The following HELZ variants were observed in gnomAD, a reference collection of about 807,000 sequenced individuals.
The protein encoded by HELZ is helicase with zinc finger, also known as ATP-dependent RNA helicase with zinc finger domain.
In HELZ, 23 loss-of-function variants were observed where a neutral mutation model predicts 218.2. The observed-to-expected ratio is 0.11, with a 90% CI of 0.08 to 0.15. HELZ has a LOEUF of 0.15. HELZ is among the 10% of genes least tolerant of loss of function. The probability of loss-of-function intolerance (pLI) is 1.00; values close to 1 mark genes in which losing one functional copy is unlikely to be tolerated. For missense variants in HELZ, 1,813 were observed against 2,353.7 expected (o/e 0.77, Z 4.75); for synonymous variants, 814 against 829.4 (o/e 0.98, Z 0.32).
chr17:67,078,249 T>A lies in HELZ; in HGVS notation c.*3A>T. 1.9e-6 allele frequency: 3 copies of A among 1,565,758 alleles called. No individual in the cohort carries two copies. Among genetic ancestry groups the A allele is most frequent in the South Asian group, 2.3e-5 (2 of 87,880 alleles). On this transcript the variant is annotated 3_prime_UTR_variant, in exon 33 of 33. Coordinates refer to ENST00000358691, the MANE Select transcript of HELZ (RefSeq NM_014877.4). ...ATTCTCCCTTGAGGGAAAAAAAAAG[T>A]GATTATTTAAAATATGAGTAAAAGC...
At chr17:67,102,224 G>C (rs1270498559) in intron 31 of HELZ, among the ~76,000 whole-genome samples, 1 of 152,180 alleles carries the variant, frequency 6.6e-6, no homozygotes, top group South Asian at 2.1e-4. Context: ...TAGCAATTGG[G>C]GGAAGGGCAG....
intron 12 of HELZ, among the ~76,000 whole-genome samples, chr17:67,180,877 CA>C (rs1019801835): frequency 0.057 from 2,372 of 41,902 alleles, 8 homozygotes; most frequent in African/African-American, 0.066. Context: ...GACTCCATCT[CA>C]AAAAAAAAAA....
chr17:67,195,108 G>C lies in HELZ; in HGVS notation c.481+311C>G, dbSNP rs74949764. ...GTAATAACTGTACTAGCTTAGGACAGAGAGAGAAGAAAAGTCTTCCCTCTA... is the reference window on the plus strand; with the variant it reads ...GTAATAACTGTACTAGCTTAGGACACAGAGAGAAGAAAAGTCTTCCCTCTA... On this transcript the variant is annotated intron_variant, in intron 8 of 32. Coordinates refer to ENST00000358691, the MANE Select transcript of HELZ (RefSeq NM_014877.4). Among the ~76,000 whole-genome samples the C allele has an allele frequency of 9.9e-4, 150 of 152,250 alleles. 2 individuals are homozygous for C. The South Asian group carries it at 0.029, about 29-fold the overall frequency.
chr17:67,214,106 A>T (rs2040527779), intron 5 of HELZ, among the ~76,000 whole-genome samples: 1 of 152,112 alleles, frequency 6.6e-6, no homozygotes. Context: ...TGCTCATTGT[A>T]ATTTTAAAAT....
At chr17:67,245,965 G>T (rs73994522), upstream of HELZ, 1 of 152,404 alleles carries the variant, frequency 6.6e-6, no homozygotes. Context: ...TGACTCCGGG[G>T]CAGGTAATCC....
rs1166365173 is a variant in HELZ, at chr17:67,148,703, A to G, written c.2487T>C (p.Phe829=). 3 of 1,612,698 alleles carry G rather than the reference A, an allele frequency of 1.9e-6. No homozygotes were observed. The highest frequency in any genetic ancestry group is 2.5e-6 in the Non-Finnish European group (3 of 1,179,314). Residue 829 remains phenylalanine, a synonymous_variant, in exon 20 of 33, where the codon TTT becomes TTC. Coordinates refer to ENST00000358691, the MANE Select transcript of HELZ (RefSeq NM_014877.4). ...LAGDHMQLSP[F]VYSEFARERN... ...TCTCCCTGGCAAACTCGCTGTAAACAAAAGGACTGAGCTGTAACAGACAAA... is the reference window on the plus strand; with the variant it reads ...TCTCCCTGGCAAACTCGCTGTAAACGAAAGGACTGAGCTGTAACAGACAAA...
At chr17:67,160,762 G>A (rs561366096) in intron 16 of HELZ, 135 bp downstream of exon 16, 18 of 633,094 alleles carry the variant, frequency 2.8e-5, no homozygotes, top group Non-Finnish European at 3.8e-5. Flanking sequence ...TTGGATTTAC[G>A]GCTTTTCCTT....
In HELZ at chr17:67,178,874, A is replaced by G. The variant is rs558481409; in HGVS notation, c.1215T>C (p.Arg405=). ...AKQQLVTTAK[R]WDSSSKTIID... is the part of the protein sequence containing the mutation. ...TAATAGTCTTAGAGGAAGAATCCCA[A>G]CGTTTAGCTGTGGTTACTAGCTGCT... Residue 405 remains arginine, a synonymous_variant, in exon 13 of 33, where the codon CGT becomes CGC. Transcript: ENST00000358691. 7 of 1,613,080 alleles carry G rather than the reference A, an allele frequency of 4.3e-6. No individual in the cohort carries two copies. The highest frequency in any genetic ancestry group is 4.5e-5 in the East Asian group (2 of 44,840).
At chr17:67,212,334 A>AAAAAAAAAAAAAAAAAAAAAAAAT (rs1241584604) in intron 5 of HELZ, among the ~76,000 whole-genome samples, 1 of 148,628 alleles carries the variant, frequency 6.7e-6, no homozygotes, top group Non-Finnish European at 1.5e-5. Flanking sequence ...AAAAAAAAAA[A>AAAAAAAAAAAAAAAAAAAAAAAAT]AGGCTACACT....
At chr17:67,195,621 T>C (rs1272510990) in intron 7 of HELZ, 151 bp from the exon 8 acceptor site, 1 of 585,740 alleles carries the variant, frequency 1.7e-6, no homozygotes, top group Non-Finnish European at 3.1e-6. Context: ...TTTTGTTTTT[T>C]TCTACGTTAA....
intron 6 of HELZ, among the ~76,000 whole-genome samples, chr17:67,201,926 A>G (rs1021046151): frequency 6.6e-6 from 1 of 152,196 alleles, no homozygotes; most frequent in Non-Finnish European, 1.5e-5. Flanking sequence ...ACATAATTAA[A>G]CAATTCACTG....
rs1203494257 is a variant in HELZ at position 67,203,982 on chromosome 17, C to G, written c.248-539G>C. Among the ~76,000 whole-genome samples, 3 of 152,174 alleles carry G rather than the reference C, an allele frequency of 2.0e-5. No individual in the cohort carries two copies. In the East Asian group the frequency reaches 5.8e-4, roughly 29 times the overall value. ...AAGGGTTTGCAGATTTAATCTAATA[C>G]AATCATGAGGATCATGTTTCTAACA... On this transcript the variant is annotated intron_variant, in intron 5 of 32. Coordinates refer to ENST00000358691, the MANE Select transcript of HELZ (RefSeq NM_014877.4).
chr17:67,210,783 G>T (rs1275811373), intron 5 of HELZ, among the ~76,000 whole-genome samples: 1 of 151,928 alleles, frequency 6.6e-6, no homozygotes, highest in Admixed American at 6.6e-5. Context: ...TTAGCTGGGC[G>T]TGGTGGCGCA....
rs1022984924 is a variant in HELZ, at chr17:67,076,176, G to C, written c.*2076C>G. ...GCTTGCGTTGTAGTCCTGTATATGG[G>C]GGCTGGGGGGTGGATAATCACTGAT... On this transcript the variant is annotated 3_prime_UTR_variant, in exon 33 of 33. Coordinates refer to ENST00000358691, the MANE Select transcript of HELZ (RefSeq NM_014877.4). The C allele has an allele frequency of 2.0e-5, 3 of 152,370 alleles. No individual in the cohort carries two copies. Among genetic ancestry groups the C allele is most frequent in the South Asian group, 4.2e-4 (2 of 4,808 alleles). The allele number at this position is 152,370 out of a possible 1,614,324, so 9.4% of individuals were successfully genotyped here.
intron 12 of HELZ, among the ~76,000 whole-genome samples, chr17:67,181,874 C>G (rs533963909): frequency 6.6e-6 from 1 of 152,198 alleles, no homozygotes; most frequent in African/African-American, 2.4e-5. Flanking sequence ...AGTCAAACTT[C>G]CAGCTCCATT....
intron 23 of HELZ, among the ~76,000 whole-genome samples, chr17:67,134,771 G>C (rs2038095692): frequency 6.6e-6 from 1 of 151,978 alleles, no homozygotes; most frequent in African/African-American, 2.4e-5. Context: ...GATTTAAAGA[G>C]TGCCATGTCC....
At chr17:67,233,095 T>C (rs1441870617) in intron 3 of HELZ, among the ~76,000 whole-genome samples, 3 of 152,158 alleles carry the variant, frequency 2.0e-5, no homozygotes, top group East Asian at 1.9e-4. Context: ...GATCGAGCCA[T>C]TGCACTCCAG....
chr17:67,244,730 G>C, intron 1 of HELZ: 1 of 984,972 alleles, frequency 1.0e-6, no homozygotes, highest in African/African-American at 1.7e-5. Context: ...GGGGCATCGA[G>C]CGGGGCGTGG....
intron 31 of HELZ, among the ~76,000 whole-genome samples, chr17:67,104,533 C>G (rs1286817748): frequency 2.7e-5 from 4 of 150,748 alleles, no homozygotes; most frequent in African/African-American, 9.7e-5. Flanking sequence ...ACACCAAAAG[C>G]ATAAGCAGCC....
Sources: gnomAD v4.1 joint callset for allele counts (sites outside exome capture counted in the v4.1 genomes callset) on GRCh38, gnomAD v4.1.1 for gene constraint, MANE v1.5 for transcripts, NCBI Gene and HGNC (gene_info 2026-07-23, HGNC 2026-07-21) for gene names.